Variants in ADAMTSL2 observed in about 807,000 individuals in gnomAD.
ADAMTSL2 encodes the protein ADAMTS-like protein 2.
Under a neutral mutation model 117.0 loss-of-function variants are expected in ADAMTSL2, and 55 were observed. That is an observed-to-expected ratio of 0.47 (90% CI 0.38 to 0.59). The LOEUF (loss-of-function observed/expected upper bound fraction) is 0.59. Ranked by LOEUF, ADAMTSL2 falls within the 20% of genes least tolerant of loss-of-function variation. The pLI, the probability that ADAMTSL2 is intolerant of heterozygous loss-of-function variation, is 0.00. For synonymous variants in ADAMTSL2, 572 were observed against 566.4 expected (o/e 1.01, Z -0.14); for missense variants, 1,182 against 1,354.5 (o/e 0.87, Z 2.00).
At chr9:133,552,535 G>C (rs1163583506) in intron 9 of ADAMTSL2, among the ~76,000 whole-genome samples, 1 of 152,172 alleles carries the variant, frequency 6.6e-6, no homozygotes, top group Non-Finnish European at 1.5e-5. Flanking sequence ...AAACACATAC[G>C]GTTGTCCACC....
intron 14 of ADAMTSL2, 55 bp from the exon 15 acceptor site, chr9:133,568,548 G>A (rs62574227): frequency 0.027 from 41,923 of 1,561,160 alleles, 736 homozygotes; most frequent in Middle Eastern, 0.08. Flanking sequence ...CTTGGGAGAT[G>A]GAGGTGGCTA....
At chr9:133,539,105 G>A (rs932747079) in intron 4 of ADAMTSL2, among the ~76,000 whole-genome samples, 11 of 152,298 alleles carry the variant, frequency 7.2e-5, no homozygotes, top group African/African-American at 2.4e-4. Context: ...GTGTGCGCAC[G>A]TGCAGGGAGT....
intron 4 of ADAMTSL2, among the ~76,000 whole-genome samples, chr9:133,538,745 G>A (rs948260950): frequency 6.6e-6 from 1 of 152,112 alleles, no homozygotes; most frequent in Non-Finnish European, 1.5e-5. Context: ...CACAACATTC[G>A]TGCACCTGGT....
At chr9:133,573,489 G>A (rs1468179974) in intron 17 of ADAMTSL2, among the ~76,000 whole-genome samples, 2 of 152,124 alleles carry the variant, frequency 1.3e-5, no homozygotes, top group South Asian at 2.1e-4. Context: ...GCAGCCCTGC[G>A]TGGGGAGAGA....
At position 133,558,588 on chromosome 9, in the gene ADAMTSL2, T is replaced by C. The variant is rs1182011067; in HGVS notation, c.1650-2610T>C. Among the ~76,000 whole-genome samples the C allele has an allele frequency of 1.3e-5, 2 of 152,194 alleles. No homozygotes were observed. The highest frequency in any genetic ancestry group is 2.9e-5 in the Non-Finnish European group (2 of 68,040). ...CTTGTTTATAAACAAACACGGTGGC[T>C]TCAGAGCTTCTCCTGCCTGGGGAGC... On this transcript the variant is annotated intron_variant, in intron 11 of 18. Coordinates refer to ENST00000651351, the MANE Select transcript of ADAMTSL2 (RefSeq NM_014694.4). The surrounding 1 kb of genome is among the most constrained non-coding windows in gnomAD (Gnocchi z 4.3).
chr9:133,566,660 G>C (rs976604077), intron 12 of ADAMTSL2, among the ~76,000 whole-genome samples: 194 of 151,888 alleles, frequency 1.3e-3, no homozygotes, highest in African/African-American at 3.9e-3. Flanking sequence ...ACGGGGGCCA[G>C]CTGGAGCAGA....
intron 7 of ADAMTSL2, among the ~76,000 whole-genome samples, chr9:133,541,653 T>C (rs1830227661): frequency 1.3e-5 from 2 of 152,194 alleles, no homozygotes; most frequent in Non-Finnish European, 2.9e-5. Flanking sequence ...GATATGAGGT[T>C]TGACCCTGGC....
In ADAMTSL2 at chr9:133,574,993, G is replaced by T; in HGVS notation, c.*129G>T. Reference sequence around the variant, plus strand: ...CCTAAGAGACGTGGCACTGAGCCTCGGCTGTCGAGAGGGGACTTCCCACGG... The same window carrying T: ...CCTAAGAGACGTGGCACTGAGCCTCTGCTGTCGAGAGGGGACTTCCCACGG... On this transcript the variant is annotated 3_prime_UTR_variant, in exon 19 of 19. Coordinates refer to ENST00000651351, the MANE Select transcript of ADAMTSL2 (RefSeq NM_014694.4). 1.4e-6 allele frequency: 1 copy of T among 735,368 alleles called. No homozygotes were observed. The highest frequency in any genetic ancestry group is 2.4e-6 in the Non-Finnish European group (1 of 423,460). The allele number at this position is 735,368 out of a possible 1,614,324, so 45.6% of individuals were successfully genotyped here.
chr9:133,544,175 C>G (rs971693530), intron 7 of ADAMTSL2, among the ~76,000 whole-genome samples: 1 of 152,228 alleles, frequency 6.6e-6, no homozygotes, highest in African/African-American at 2.4e-5. Flanking sequence ...GGACTGAACT[C>G]CCAGTGTGCT....
At chr9:133,565,317 G>A (rs1420418329) in intron 12 of ADAMTSL2, among the ~76,000 whole-genome samples, 3 of 152,150 alleles carry the variant, frequency 2.0e-5, no homozygotes, top group Non-Finnish European at 4.4e-5. Flanking sequence ...GTCTGGTCAC[G>A]GTCACGTCAC....
chr9:133,567,060 C>T lies in ADAMTSL2; in HGVS notation c.1872C>T (p.Pro624=). The change falls in exon 13 of 19, where the codon CCC becomes CCT. Residue 624 remains proline, a splice_region_variant and synonymous_variant. Transcript: ENST00000651351. ...TCTGCGCTGGGAGGGAGTGCCAGCC[C>T]AGGTACCTGCCACCAGGGGCCCTGG... ...HEFCAGRECQ[P]RWETSSWSEC... 6.2e-7 allele frequency: 1 copy of T among 1,606,534 alleles called. No homozygotes were observed. Among genetic ancestry groups the T allele is most frequent in the Non-Finnish European group, 8.5e-7 (1 of 1,179,336 alleles).
intron 9 of ADAMTSL2, 28 bp downstream of exon 9, chr9:133,547,241 C>G (rs771566800): frequency 1.2e-6 from 2 of 1,603,610 alleles, no homozygotes; most frequent in South Asian, 1.1e-5. Flanking sequence ...CTTGGGGGCC[C>G]CAGGGGCCCT....
chr9:133,550,280 C>T (rs2131127842), intron 9 of ADAMTSL2, among the ~76,000 whole-genome samples: 1 of 152,360 alleles, frequency 6.6e-6, no homozygotes, highest in Middle Eastern at 3.4e-3. Context: ...GGTGGTGCCT[C>T]ATGGGAGATG....
chr9:133,571,158 C>G (rs7851084), intron 17 of ADAMTSL2, among the ~76,000 whole-genome samples: 4,150 of 152,324 alleles, frequency 0.027, 198 homozygotes, highest in African/African-American at 0.094. Context: ...TGGCAACCCT[C>G]ACCCAGTTCT....
At chr9:133,573,029 G>A (rs983023394) in intron 17 of ADAMTSL2, among the ~76,000 whole-genome samples, 13 of 152,348 alleles carry the variant, frequency 8.5e-5, no homozygotes, top group African/African-American at 2.9e-4. Flanking sequence ...CTCGGAGCAG[G>A]CAGGCAGGCA....
intron 12 of ADAMTSL2, among the ~76,000 whole-genome samples, chr9:133,562,291 C>T (rs1280321468): frequency 2.0e-5 from 3 of 152,246 alleles, no homozygotes; most frequent in Non-Finnish European, 4.4e-5. Context: ...CTCACACTGG[C>T]CTTGCCTCTC....
intron 7 of ADAMTSL2, among the ~76,000 whole-genome samples, chr9:133,543,817 T>G (rs562808312): frequency 6.6e-6 from 1 of 152,316 alleles, no homozygotes; most frequent in African/African-American, 2.4e-5. Context: ...TGCCTCTCCT[T>G]CTCTGAGCAC....
Position 133,537,551 on chromosome 9 carries a change from C to G in ADAMTSL2, c.233+4C>G. On this transcript the variant is annotated splice_donor_region_variant and intron_variant, in intron 3 of 18. Coordinates refer to ENST00000651351, the MANE Select transcript of ADAMTSL2 (RefSeq NM_014694.4). ...AGCGGCACTGCCTGCAGCAGAGGTG[C>G]GAGGTTGGGCACGTGGCCCTGAGGG... 1 of 1,341,908 alleles carries G rather than the reference C, an allele frequency of 7.5e-7. No homozygotes were observed. The highest frequency in any genetic ancestry group is 9.6e-7 in the Non-Finnish European group (1 of 1,037,444). 83.1% of individuals were successfully genotyped at this position (1,341,908 alleles called of 1,614,324 possible). A position where few individuals can be genotyped will look rare whatever the true frequency, so the allele number is the denominator to read the frequency against.
At chr9:133,543,257 G>A (rs978115951) in intron 7 of ADAMTSL2, among the ~76,000 whole-genome samples, 2 of 152,144 alleles carry the variant, frequency 1.3e-5, no homozygotes, top group African/African-American at 2.4e-5. Context: ...CACCATATAC[G>A]GGTGTGCTGC....
Sources: allele counts gnomAD v4.1 joint callset (sites outside exome capture counted in the v4.1 genomes callset), GRCh38; gene constraint gnomAD v4.1.1; non-coding constraint Gnocchi (gnomAD v3.1); transcripts MANE v1.5; gene names NCBI Gene and HGNC (gene_info 2026-07-23, HGNC 2026-07-21).